The following DNAH9 variants were observed in gnomAD, a reference collection of about 807,000 sequenced individuals.
DNAH9 encodes the protein DNAH9 variant protein.
A neutral mutation model predicts 471.6 loss-of-function variants in DNAH9; 345 were observed. That is an observed-to-expected ratio of 0.73 (90% CI 0.67 to 0.80). The LOEUF is 0.80. Ranked by LOEUF, DNAH9 falls within the 30% of genes least tolerant of loss-of-function variation. The pLI, the probability that DNAH9 is intolerant of heterozygous loss-of-function variation, is 0.00. For missense variants in DNAH9, 5,407 were observed against 5,609.2 expected, an observed-to-expected ratio of 0.96 and a Z score of 1.15; for synonymous variants, 2,093 against 2,123.6, an observed-to-expected ratio of 0.99 and a Z score of 0.40.
chr17:11,747,709 G>C lies in DNAH9; in HGVS notation c.6553G>C (p.Val2185Leu), dbSNP rs372696612. Residue 2185 changes from valine to leucine, a missense_variant, in exon 32 of 69, where the codon GTC (valine) becomes CTC (leucine). This residue lies in a region of DNAH9 where 4,636 missense variants were observed against 4,900.3 expected (regional missense o/e 0.95). Coordinates refer to ENST00000262442, the MANE Select transcript of DNAH9 (RefSeq NM_001372.4). ...PVWTDLNPKA[V>L]TNDELFGIIN... ...CTGGACTGACCTCAATCCCAAAGCAGTCACAAATGATGAGCTCTTTGGCAT... is the reference window on the plus strand; with the variant it reads ...CTGGACTGACCTCAATCCCAAAGCACTCACAAATGATGAGCTCTTTGGCAT... The C allele has an allele frequency of 1.2e-5, 19 of 1,614,192 alleles. No homozygotes were observed. In the African/African-American group the frequency reaches 2.5e-4, roughly 22 times the overall value.
chr17:11,846,478 C>T (rs1167857425), intron 49 of DNAH9, among the ~76,000 whole-genome samples: 3 of 150,550 alleles, frequency 2.0e-5, no homozygotes, highest in African/African-American at 4.9e-5. Context: ...ATTGACTTGG[C>T]GATGCGGGCT....
chr17:11,739,434 A>C (rs1439350000), intron 29 of DNAH9, among the ~76,000 whole-genome samples: 2 of 152,234 alleles, frequency 1.3e-5, no homozygotes, highest in Non-Finnish European at 2.9e-5. Context: ...GTTAAATATT[A>C]AGACTTTCTA....
At chr17:11,653,025 G>T in intron 14 of DNAH9, 23 bp downstream of exon 14, 2 of 1,610,694 alleles carry the variant, frequency 1.2e-6, no homozygotes, top group Non-Finnish European at 8.5e-7. Flanking sequence ...CCACTCAGGC[G>T]CACATACTAC....
intron 49 of DNAH9, among the ~76,000 whole-genome samples, chr17:11,840,992 C>T (rs1465873844): frequency 6.6e-6 from 1 of 152,128 alleles, no homozygotes; most frequent in Non-Finnish European, 1.5e-5. Flanking sequence ...CAATAGAAAC[C>T]TCTTAAAATA....
chr17:11,738,836 A>G, intron 28 of DNAH9, 44 bp from the exon 29 acceptor site: 2 of 1,588,400 alleles, frequency 1.3e-6, no homozygotes, highest in Non-Finnish European at 8.6e-7. Flanking sequence ...TCCCTCCACT[A>G]AAAGGCAATT....
chr17:11,612,988 G>A (rs1428797774), intron 4 of DNAH9, among the ~76,000 whole-genome samples: 1 of 152,188 alleles, frequency 6.6e-6, no homozygotes, highest in African/African-American at 2.4e-5. Context: ...CCCTCTCATG[G>A]CATGGAGTTT....
At chr17:11,936,788 T>A (rs916668434) in intron 65 of DNAH9, among the ~76,000 whole-genome samples, 3 of 152,174 alleles carry the variant, frequency 2.0e-5, no homozygotes, top group Admixed American at 6.5e-5. Context: ...AAATTTTTTT[T>A]ATTTGAATAC....
intron 15 of DNAH9, among the ~76,000 whole-genome samples, chr17:11,667,008 GT>G (rs1370895447): frequency 1.1e-4 from 17 of 152,080 alleles, no homozygotes. Flanking sequence ...CTCTTACCTA[GT>G]AAAATGATTT....
intron 18 of DNAH9, 104 bp from the exon 19 acceptor site, chr17:11,680,619 C>T (rs1003452853): frequency 1.1e-6 from 1 of 937,042 alleles, no homozygotes. Flanking sequence ...ACCATTGTAC[C>T]ATCTTGTAGC....
intron 30 of DNAH9, 150 bp from the exon 31 acceptor site, chr17:11,744,647 G>C (rs1252471237): frequency 7.5e-6 from 5 of 662,680 alleles, no homozygotes; most frequent in Admixed American, 5.8e-5. Context: ...TAAATTCTGG[G>C]ATCATCATTT....
At chr17:11,715,161 A>T (rs2074937454) in intron 26 of DNAH9, among the ~76,000 whole-genome samples, 1 of 152,222 alleles carries the variant, frequency 6.6e-6, no homozygotes, top group Non-Finnish European at 1.5e-5. Flanking sequence ...TGAAATCAAG[A>T]TATAGCAGCT....
At chr17:11,719,877 T>C (rs2150802451) in intron 27 of DNAH9, among the ~76,000 whole-genome samples, 1 of 152,286 alleles carries the variant, frequency 6.6e-6, no homozygotes, top group East Asian at 1.9e-4. Context: ...GTAGCCAAGA[T>C]GAAGGCACTT....
At chr17:11,790,980 T>C (rs955349442) in intron 41 of DNAH9, among the ~76,000 whole-genome samples, 1 of 152,202 alleles carries the variant, frequency 6.6e-6, no homozygotes, top group Non-Finnish European at 1.5e-5. Flanking sequence ...GAAAACTCAC[T>C]GATATCTGTG....
chr17:11,720,935 A>C (rs943318478), intron 27 of DNAH9, among the ~76,000 whole-genome samples: 1 of 152,220 alleles, frequency 6.6e-6, no homozygotes, highest in African/African-American at 2.4e-5. Flanking sequence ...CCTTTATAGA[A>C]ATGACCTCAG....
chr17:11,864,717 G>A (rs1032458601), intron 50 of DNAH9, among the ~76,000 whole-genome samples: 2 of 152,122 alleles, frequency 1.3e-5, no homozygotes, highest in Non-Finnish European at 2.9e-5. Context: ...TGTTTTGGGT[G>A]CATATATATT....
chr17:11,640,893 G>A (rs952945574), intron 10 of DNAH9, among the ~76,000 whole-genome samples: 1 of 152,108 alleles, frequency 6.6e-6, no homozygotes, highest in African/African-American at 2.4e-5. Flanking sequence ...AGCTCCTCCT[G>A]TGATTCTGAC....
In DNAH9 at chr17:11,942,290, T is replaced by C. The variant is rs201871132; in HGVS notation, c.12661-13T>C. On this transcript the variant is annotated splice_polypyrimidine_tract_variant and intron_variant, in intron 66 of 68. Transcript: ENST00000262442. ...AGCCCTTTCTTAACGCTGTGTTTCCTTCTGTGGGGCAGGTCAAGGCACTTC... is the reference window on the plus strand; with the variant it reads ...AGCCCTTTCTTAACGCTGTGTTTCCCTCTGTGGGGCAGGTCAAGGCACTTC... 18 of 1,612,542 alleles carry C rather than the reference T, an allele frequency of 1.1e-5. No individual in the cohort carries two copies.
chr17:11,808,602 C>T (rs1969776688), intron 44 of DNAH9, among the ~76,000 whole-genome samples: 1 of 152,174 alleles, frequency 6.6e-6, no homozygotes, highest in African/African-American at 2.4e-5. Context: ...CCCAGCCTCT[C>T]GACGACTGGC....
intron 67 of DNAH9, 72 bp downstream of exon 67, chr17:11,942,557 G>A (rs1597856524): frequency 2.7e-6 from 4 of 1,475,176 alleles, no homozygotes; most frequent in Non-Finnish European, 3.6e-6. Context: ...GGGGAAGAAG[G>A]AGCACTGGGG....
Sources: allele counts gnomAD v4.1 joint callset (sites outside exome capture counted in the v4.1 genomes callset), GRCh38; gene constraint gnomAD v4.1.1; regional missense constraint gnomAD v4.1.1; transcripts MANE v1.5; gene names NCBI Gene and HGNC (gene_info 2026-07-23, HGNC 2026-07-21).